CPXM2: variants seen among roughly 807,000 people sequenced by gnomAD.
CPXM2 encodes carboxypeptidase X, M14 family member 2, also known as inactive carboxypeptidase-like protein X2.
In CPXM2, 66 loss-of-function variants were observed where a neutral mutation model predicts 86.1. The observed-to-expected ratio is 0.77, with a 90% CI of 0.63 to 0.94. CPXM2 has a LOEUF of 0.94. Ranked by LOEUF, CPXM2 falls within the 40% of genes least tolerant of loss-of-function variation. CPXM2 has a pLI of 0.00. For synonymous variants in CPXM2, 388 were observed against 400.2 expected, an observed-to-expected ratio of 0.97 and a Z score of 0.36; for missense variants, 948 against 1,026.3, an observed-to-expected ratio of 0.92 and a Z score of 1.04.
intron 6 of CPXM2, among the ~76,000 whole-genome samples, chr10:123,796,759 C>A (rs570954066): frequency 3.9e-4 from 60 of 152,224 alleles, no homozygotes; most frequent in Non-Finnish European, 7.1e-4. Context: ...GACTACGAGT[C>A]CCATAGGTAG....
rs919036699 is a variant in CPXM2, at chr10:123,788,703, G to A, written c.890-8448C>T. Among the ~76,000 whole-genome samples the A allele has an allele frequency of 1.4e-4, 22 of 152,262 alleles. 1 individual carries two copies. Among genetic ancestry groups the A allele is most frequent in the Admixed American group, 1.2e-3 (19 of 15,296 alleles). ...CTCTTGTTAATTGGACTCTGCATGC[G>A]GTGAGAGCAGGGAACCTGCTCTTCA... On this transcript the variant is annotated intron_variant, in intron 6 of 13. Coordinates refer to ENST00000241305, the MANE Select transcript of CPXM2 (RefSeq NM_198148.3).
chr10:123,844,354 G>A (rs1031530318), intron 3 of CPXM2, among the ~76,000 whole-genome samples: 6 of 151,936 alleles, frequency 3.9e-5, no homozygotes, highest in South Asian at 2.1e-4. Context: ...TCTTGAAAAC[G>A]TCACTAACGT....
intron 4 of CPXM2, among the ~76,000 whole-genome samples, chr10:123,818,495 C>T (rs1847859501): frequency 6.6e-6 from 1 of 152,190 alleles, no homozygotes; most frequent in South Asian, 2.1e-4. Context: ...TTCGTCCTCA[C>T]TGGAGTACAT....
chr10:123,854,376 TATATATATAA>T (rs1848667560), intron 3 of CPXM2, among the ~76,000 whole-genome samples: 1 of 118,366 alleles, frequency 8.4e-6, no homozygotes, highest in Non-Finnish European at 1.6e-5. Flanking sequence ...ATATATATAA[TATATATATAA>T]TATATATATT....
chr10:123,746,750 A>G lies in CPXM2; in HGVS notation c.*14T>C. 6.2e-7 allele frequency: 1 copy of G among 1,613,174 alleles called. No individual in the cohort carries two copies. Among genetic ancestry groups the G allele is most frequent in the South Asian group, 1.1e-5 (1 of 91,006 alleles). ...TTGCATGGGTCCCAGACGAGTCTCAAGGGCCCAGGAGGGTCACCCACGCTG... is the reference window on the plus strand; with the variant it reads ...TTGCATGGGTCCCAGACGAGTCTCAGGGGCCCAGGAGGGTCACCCACGCTG... On this transcript the variant is annotated 3_prime_UTR_variant, in exon 14 of 14. Transcript: ENST00000241305.
At chr10:123,841,438 T>C (rs918497693) in intron 4 of CPXM2, among the ~76,000 whole-genome samples, 8 of 152,232 alleles carry the variant, frequency 5.3e-5, no homozygotes, top group African/African-American at 1.9e-4. Context: ...TTCACATTGA[T>C]TTGCAACCAT....
At chr10:123,818,242 G>A (rs992548586) in intron 4 of CPXM2, among the ~76,000 whole-genome samples, 32 of 152,124 alleles carry the variant, frequency 2.1e-4, no homozygotes, top group Admixed American at 6.5e-5. Context: ...CCCTGTAATC[G>A]CCCAATGGGC....
At chr10:123,844,474 C>T (rs919460042) in intron 3 of CPXM2, among the ~76,000 whole-genome samples, 5 of 151,922 alleles carry the variant, frequency 3.3e-5, no homozygotes, top group Admixed American at 6.6e-5. Flanking sequence ...CACCAATGCC[C>T]CTAACAGACT....
chr10:123,813,522 T>G (rs1847740734), intron 4 of CPXM2, among the ~76,000 whole-genome samples: 1 of 152,238 alleles, frequency 6.6e-6, no homozygotes, highest in Non-Finnish European at 1.5e-5. Flanking sequence ...GAGCTGCACA[T>G]GATGCGTAGT....
At chr10:123,800,019 A>G (rs1456990380) in intron 4 of CPXM2, among the ~76,000 whole-genome samples, 1 of 135,976 alleles carries the variant, frequency 7.4e-6, no homozygotes, top group Non-Finnish European at 1.6e-5. Context: ...GCAATTTACT[A>G]GTTTTTTGGT....
At chr10:123,811,414 T>C (rs1308345871) in intron 4 of CPXM2, among the ~76,000 whole-genome samples, 1 of 152,182 alleles carries the variant, frequency 6.6e-6, no homozygotes, top group Non-Finnish European at 1.5e-5. Context: ...TTTTTTGTCC[T>C]TGCAATAGTT....
At chr10:123,798,695 C>T (rs1847387559) in intron 5 of CPXM2, among the ~76,000 whole-genome samples, 1 of 152,162 alleles carries the variant, frequency 6.6e-6, no homozygotes, top group Admixed American at 6.5e-5. Context: ...TAGGAATATG[C>T]ACTTGAGAAT....
intron 3 of CPXM2, 42 bp downstream of exon 3, chr10:123,862,572 A>T: frequency 6.4e-7 from 1 of 1,556,420 alleles, no homozygotes. Context: ...CCAGAGCAAT[A>T]AACAAGGCAG....
In CPXM2 at chr10:123,865,567, A is replaced by G. The variant is rs1210252859; in HGVS notation, c.404-2844T>C. Among the ~76,000 whole-genome samples, 1 of 152,168 alleles carries G rather than the reference A, an allele frequency of 6.6e-6. No homozygotes were observed. The highest frequency in any genetic ancestry group is 1.9e-4 in the East Asian group (1 of 5,170). Reference sequence around the variant, plus strand: ...ATTCCAATGACACTGTCCACCTCCTATCACACCTCTGAGTTTCCACTCAAC... The same window carrying G: ...ATTCCAATGACACTGTCCACCTCCTGTCACACCTCTGAGTTTCCACTCAAC... On this transcript the variant is annotated intron_variant, in intron 2 of 13. Coordinates refer to ENST00000241305, the MANE Select transcript of CPXM2 (RefSeq NM_198148.3). This position sits in a 1 kb window ranked among gnomAD's most constrained non-coding sequence, Gnocchi z 4.7.
intron 3 of CPXM2, among the ~76,000 whole-genome samples, chr10:123,849,931 T>A (rs1848567613): frequency 6.6e-6 from 1 of 152,152 alleles, no homozygotes; most frequent in Non-Finnish European, 1.5e-5. Context: ...CTGTGCCCCT[T>A]CCCAGACATT....
intron 2 of CPXM2, among the ~76,000 whole-genome samples, chr10:123,899,571 C>A (rs140571186): frequency 6.6e-6 from 1 of 152,238 alleles, no homozygotes; most frequent in Non-Finnish European, 1.5e-5. Context: ...AACCCCAGCA[C>A]TTTGCGAGGC....
intron 2 of CPXM2, among the ~76,000 whole-genome samples, chr10:123,932,973 T>G (rs1369451752): frequency 3.3e-5 from 5 of 152,198 alleles, no homozygotes; most frequent in African/African-American, 1.2e-4. Context: ...AAAGGTAATG[T>G]GCCTGCTGTC....
intron 4 of CPXM2, among the ~76,000 whole-genome samples, chr10:123,811,025 C>T (rs1377810235): frequency 6.6e-6 from 1 of 151,566 alleles, no homozygotes; most frequent in Non-Finnish European, 1.5e-5. Flanking sequence ...TCTAGCATAT[C>T]GATTTTAAAT....
Position 123,799,198 on chromosome 10 carries a change from T to C in CPXM2, c.655A>G (p.Ser219Gly), listed in dbSNP as rs1196819986. Residue 219 changes from serine (S) to glycine (G), a missense_variant and splice_region_variant, in exon 5 of 14, where the codon AGT (serine) becomes GGT (glycine). Transcript: ENST00000241305. ...ACCTTATAGGATGTCACCCAGTCAC[T>C]CCTATGAGAAAATAAAACATCATTA... ...ITQGRNSLWL[S>G]DWVTSYKVMV... 6.2e-7 allele frequency: 1 copy of C among 1,613,906 alleles called. No homozygotes were observed. The highest frequency in any genetic ancestry group is 8.5e-7 in the Non-Finnish European group (1 of 1,180,014).
Sources: gnomAD v4.1 joint callset for allele counts (sites outside exome capture counted in the v4.1 genomes callset) on GRCh38, gnomAD v4.1.1 for gene constraint, Gnocchi (gnomAD v3.1) non-coding constraint, MANE v1.5 for transcripts, NCBI Gene and HGNC (gene_info 2026-07-23, HGNC 2026-07-21) for gene names.